Variants in SLC14A1 observed in about 807,000 individuals in gnomAD.
SLC14A1 encodes solute carrier family 14 member 1 (Kidd blood group), also known as urea transporter 1.
In SLC14A1, 36 loss-of-function variants were observed where a neutral mutation model predicts 39.6. That is an observed-to-expected ratio of 0.91 (90% CI 0.70 to 1.20). The LOEUF is 1.20. Ranked by LOEUF, SLC14A1 falls within the 50% of genes most tolerant of loss-of-function variation. SLC14A1 has a pLI of 0.00. For missense variants in SLC14A1, 469 were observed against 478.7 expected (o/e 0.98, Z 0.19); for synonymous variants, 164 against 173.6 (o/e 0.94, Z 0.43).
At chr18:45,743,520 A>G (rs1417163251) in intron 8 of SLC14A1, among the ~76,000 whole-genome samples, 1 of 152,152 alleles carries the variant, frequency 6.6e-6, no homozygotes, top group Non-Finnish European at 1.5e-5. Context: ...GCTACTTACT[A>G]GCGTATTTGC....
intron 4 of SLC14A1, among the ~76,000 whole-genome samples, chr18:45,733,373 GTTC>G (rs1403469539): frequency 6.6e-6 from 1 of 152,194 alleles, no homozygotes; most frequent in Non-Finnish European, 1.5e-5. Context: ...AAAAGCAATT[GTTC>G]TTCTTTGCAA....
chr18:45,736,705 C>CT, intron 6 of SLC14A1, 57 bp downstream of exon 6: 1 of 1,474,034 alleles, frequency 6.8e-7, no homozygotes. Context: ...GCAATGGCCT[C>CT]CTGGTCAACT....
Position 45,752,430 on chromosome 18 carries a change from T to A in SLC14A1, c.*2479T>A, listed in dbSNP as rs192591486. 1 of 187,212 alleles carries A rather than the reference T, an allele frequency of 5.3e-6. No individual in the cohort carries two copies. 11.6% of individuals were successfully genotyped at this position (187,212 alleles called of 1,614,324 possible). ...ATTTTTGTTACTATTTTCCTAAAAT[T>A]GAATATTTGCAGGGAGCACTTATAC... On this transcript the variant is annotated 3_prime_UTR_variant, in exon 10 of 10. Transcript: ENST00000321925.
chr18:45,736,711 C>A lies in SLC14A1; in HGVS notation c.663+63C>A. 2.1e-6 allele frequency: 3 copies of A among 1,413,672 alleles called. No individual in the cohort carries two copies. The South Asian group carries it at 3.5e-5, about 16-fold the overall frequency. 87.6% of individuals were successfully genotyped at this position (1,413,672 alleles called of 1,614,324 possible). ...GCAAGATACGCAATGGCCTCCTGGT[C>A]AACTGTCCACGGGTGTCAGAGTCTC... is the stretch of plus-strand genomic sequence containing the variant. On this transcript the variant is annotated intron_variant, in intron 6 of 9. Coordinates refer to ENST00000321925, the MANE Select transcript of SLC14A1 (RefSeq NM_015865.7).
rs151006532 is a variant in SLC14A1 at position 45,738,333 on chromosome 18, A to G, written c.664-830A>G. On this transcript the variant is annotated intron_variant, in intron 6 of 9. Coordinates refer to ENST00000321925, the MANE Select transcript of SLC14A1 (RefSeq NM_015865.7). ...CAGTAAATGGCCTTGCTCAAAAGGGACATGCTATGGCTAATTATGCCTATC... is the reference window on the plus strand; with the variant it reads ...CAGTAAATGGCCTTGCTCAAAAGGGGCATGCTATGGCTAATTATGCCTATC... Among the ~76,000 whole-genome samples the G allele has an allele frequency of 3.8e-4, 58 of 152,338 alleles. No individual in the cohort carries two copies. The East Asian group carries it at 8.9e-3, about 23-fold the overall frequency.
intron 9 of SLC14A1, among the ~76,000 whole-genome samples, chr18:45,749,322 C>CTA (rs1428422939): frequency 6.6e-6 from 1 of 151,990 alleles, no homozygotes; most frequent in Non-Finnish European, 1.5e-5. Flanking sequence ...AACTTAGAGT[C>CTA]TATTTGGGAG....
intron 6 of SLC14A1, 35 bp from the exon 7 acceptor site, chr18:45,739,128 T>C (rs372638028): frequency 6.2e-7 from 1 of 1,613,728 alleles, no homozygotes; most frequent in African/African-American, 1.3e-5. Context: ...TTCAGTTGTT[T>C]TGGTAGCCTC....
At position 45,748,368 on chromosome 18, in the gene SLC14A1, T is replaced by C. The variant is rs771040146; in HGVS notation, c.947-8T>C. 14 of 1,614,048 alleles carry C rather than the reference T, an allele frequency of 8.7e-6. No individual in the cohort carries two copies. Among genetic ancestry groups the C allele is most frequent in the Non-Finnish European group, 1.1e-5 (13 of 1,180,002 alleles). ...GCATTGTTCTTTCCCTCCTTTTTTTTTCTGTAGCCCTGTTCACGGCCTATC... is the reference window on the plus strand; with the variant it reads ...GCATTGTTCTTTCCCTCCTTTTTTTCTCTGTAGCCCTGTTCACGGCCTATC... On this transcript the variant is annotated splice_region_variant and splice_polypyrimidine_tract_variant and intron_variant, in intron 8 of 9. Coordinates refer to ENST00000321925, the MANE Select transcript of SLC14A1 (RefSeq NM_015865.7).
intron 8 of SLC14A1, among the ~76,000 whole-genome samples, chr18:45,742,446 G>A (rs1280324817): frequency 3.6e-5 from 5 of 139,478 alleles, no homozygotes; most frequent in South Asian, 2.4e-4. Flanking sequence ...TGCAACCTCC[G>A]ACTCCCTGGT....
chr18:45,738,258 G>A (rs953837488), intron 6 of SLC14A1, among the ~76,000 whole-genome samples: 1 of 152,178 alleles, frequency 6.6e-6, no homozygotes, highest in Non-Finnish European at 1.5e-5. Flanking sequence ...GTACATACAC[G>A]ACCTAGCAAT....
chr18:45,752,165 C>G lies in SLC14A1; in HGVS notation c.*2214C>G, dbSNP rs1209378576. 5 of 985,148 alleles carry G rather than the reference C, an allele frequency of 5.1e-6. No individual in the cohort carries two copies. The highest frequency in any genetic ancestry group is 6.2e-5 in the Admixed American group (1 of 16,246). The allele number at this position is 985,148 out of a possible 1,614,324, so 61.0% of individuals were successfully genotyped here. ...TCAATTTTCAGTGTTTGAACTGAAC[C>G]CTTTCTTGTTAGGGAACGTGTGAAA... is the stretch of plus-strand genomic sequence containing the variant. On this transcript the variant is annotated 3_prime_UTR_variant, in exon 10 of 10. Transcript: ENST00000321925.
chr18:45,751,451 G>C lies in SLC14A1; in HGVS notation c.*1500G>C, dbSNP rs761372170. 3.4e-5 allele frequency: 33 copies of C among 984,430 alleles called. No homozygotes were observed. Among genetic ancestry groups the C allele is most frequent in the Non-Finnish European group, 3.9e-5 (32 of 829,822 alleles). 61.0% of individuals were successfully genotyped at this position (984,430 alleles called of 1,614,324 possible). A position where few individuals can be genotyped will look rare whatever the true frequency, so the allele number is the denominator to read the frequency against. On this transcript the variant is annotated 3_prime_UTR_variant, in exon 10 of 10. Transcript: ENST00000321925. ...CTTTAATTTTAAAGTTATCAGTTCC[G>C]TAAAGTCTCTGTAACCAAACATACT... is the stretch of plus-strand genomic sequence containing the variant.
At chr18:45,742,354 T>G (rs2047401244) in intron 8 of SLC14A1, among the ~76,000 whole-genome samples, 1 of 33,892 alleles carries the variant, frequency 3.0e-5, no homozygotes, top group Non-Finnish European at 5.6e-5. Context: ...TGTTTTTTGG[T>G]TTTTTTTTTT....
At position 45,742,351 on chromosome 18, in the gene SLC14A1, TG is replaced by T. The variant is rs371121732; in HGVS notation, c.946+2691del. Among the ~76,000 whole-genome samples, 61 of 117,320 alleles carry T rather than the reference TG, an allele frequency of 5.2e-4. No homozygotes were observed. The East Asian group carries it at 8.2e-3, about 16-fold the overall frequency. The allele number at this position is 117,320 out of a possible 152,430, so 77.0% of individuals were successfully genotyped here. A position where few individuals can be genotyped will look rare whatever the true frequency, so the allele number is the denominator to read the frequency against. On this transcript the variant is annotated intron_variant, in intron 8 of 9. Transcript: ENST00000321925. ...GGGTTTTTTGTTGTTTTTTGTTTTT[TG>T]GTTTTTTTTTTTTTTTTTTTGACAG...
At chr18:45,734,135 C>A (rs28994298) in intron 4 of SLC14A1, 139 bp from the exon 5 acceptor site, 3 of 1,097,662 alleles carry the variant, frequency 2.7e-6, no homozygotes, top group East Asian at 5.0e-5. Context: ...ACGATGCTTA[C>A]GTAGACTTTG....
chr18:45,748,572 C>T, intron 9 of SLC14A1, 147 bp downstream of exon 9: 1 of 821,874 alleles, frequency 1.2e-6, no homozygotes, highest in East Asian at 2.5e-5. Flanking sequence ...CTGGAGCTCC[C>T]TGGCCTTTCT....
chr18:45,739,085 T>G, intron 6 of SLC14A1, 78 bp from the exon 7 acceptor site: 1 of 1,430,086 alleles, frequency 7.0e-7, no homozygotes, highest in Non-Finnish European at 9.9e-7. Context: ...AAAATTACAT[T>G]GTAGGAGTTT....
At chr18:45,737,335 T>A (rs1369194285) in intron 6 of SLC14A1, 4 of 152,644 alleles carry the variant, frequency 2.6e-5, no homozygotes, top group Non-Finnish European at 4.4e-5. Context: ...GATTCTGTAT[T>A]TTTTAAAACC....
chr18:45,745,112 A>G (rs2047509423), intron 8 of SLC14A1, among the ~76,000 whole-genome samples: 3 of 152,176 alleles, frequency 2.0e-5, no homozygotes, highest in African/African-American at 7.2e-5. Context: ...GCGTGGTAGC[A>G]CGCGCCTATA....
Sources: allele counts gnomAD v4.1 joint callset (sites outside exome capture counted in the v4.1 genomes callset), GRCh38; gene constraint gnomAD v4.1.1; transcripts MANE v1.5; gene names NCBI Gene and HGNC (gene_info 2026-07-23, HGNC 2026-07-21).